Variants in USP9X observed in about 807,000 individuals in gnomAD.
USP9X encodes ubiquitin carboxyl-terminal hydrolase 9X.
USP9X carries 7 observed loss-of-function variants against 190.3 expected under a neutral mutation model. That is an observed-to-expected ratio of 0.04 (90% CI 0.02 to 0.07). USP9X has a LOEUF of 0.07. Among genes scored for constraint, USP9X ranks in the 10% least tolerant of loss-of-function variants. USP9X has a pLI of 1.00. For missense variants in USP9X, 1,010 were observed against 1,916.9 expected, an observed-to-expected ratio of 0.53 and a Z score of 8.83; for synonymous variants, 645 against 659.5, an observed-to-expected ratio of 0.98 and a Z score of 0.34.
chrX:41,194,034 C>T (rs1481522512), intron 26 of USP9X, among the ~76,000 whole-genome samples: 2 of 111,690 alleles, frequency 1.8e-5, no homozygotes, highest in Non-Finnish European at 3.8e-5. Flanking sequence ...AATAGCATAC[C>T]TTTGAAAATC....
chrX:41,137,174 C>A, intron 6 of USP9X, 152 bp downstream of exon 6: 1 of 523,442 alleles, frequency 1.9e-6, no homozygotes, highest in Non-Finnish European at 3.0e-6. Flanking sequence ...CTTTGTCGTT[C>A]TAGTTCTTTG....
At chrX:41,216,911 C>G (rs1329799673) in intron 35 of USP9X, among the ~76,000 whole-genome samples, 1 of 109,997 alleles carries the variant, frequency 9.1e-6, no homozygotes, top group Non-Finnish European at 1.9e-5. Flanking sequence ...GGCATGGTGG[C>G]ATGCACCTGT....
intron 21 of USP9X, among the ~76,000 whole-genome samples, chrX:41,181,435 C>CT (rs200403625): frequency 0.029 from 1,103 of 38,390 alleles, 298 homozygotes; most frequent in African/African-American, 0.064. Context: ...CCACACCTGA[C>CT]TTTTTTTTTT....
intron 30 of USP9X, among the ~76,000 whole-genome samples, chrX:41,199,834 A>G (rs1383094750): frequency 8.9e-6 from 1 of 111,800 alleles, no homozygotes; most frequent in African/African-American, 3.2e-5. Context: ...GAAGATTAGA[A>G]CGTGAGAAGT....
intron 44 of USP9X, among the ~76,000 whole-genome samples, chrX:41,231,019 GA>G (rs956544771): frequency 9.0e-6 from 1 of 110,716 alleles, no homozygotes; most frequent in African/African-American, 3.3e-5. Context: ...AAAATCACTG[GA>G]AAAAAAAGGA....
chrX:41,125,702 T>TCC (rs2062239228), intron 2 of USP9X, among the ~76,000 whole-genome samples: 1 of 97,799 alleles, frequency 1.0e-5, no homozygotes, highest in South Asian at 4.7e-4. Flanking sequence ...TCTCTCTCTC[T>TCC]CTCTCTCTCT....
At chrX:41,213,157 C>T (rs2063181183) in intron 33 of USP9X, among the ~76,000 whole-genome samples, 1 of 111,156 alleles carries the variant, frequency 9.0e-6, no homozygotes, top group South Asian at 3.8e-4. Flanking sequence ...ACTAGCTGGG[C>T]ATGGGGGTGG....
At chrX:41,115,515 C>G (rs1441424087) in intron 1 of USP9X, among the ~76,000 whole-genome samples, 1 of 111,929 alleles carries the variant, frequency 8.9e-6, no homozygotes, top group African/African-American at 3.2e-5. Context: ...GATGATCTAT[C>G]AAATTGTTTT....
At position 41,216,431 on chromosome X, in the gene USP9X, G is replaced by A; in HGVS notation, c.5864G>A (p.Arg1955Gln). The change falls in exon 35 of 45, where the codon CGA becomes CAA. Residue 1955 changes from arginine to glutamine, a missense_variant. By Grantham distance (43) the Arg-to-Gln change is conservative. This residue lies in a region of USP9X where 31 missense variants were observed against 27.2 expected (regional missense o/e 1.14). Transcript: ENST00000378308. ...WWNAYILFYE[R>Q]MDTIDQDDEL... ...AATGCTTATATACTTTTTTATGAACGAATGGACACAATAGACCAAGATGAT... is the reference window on the plus strand; with the variant it reads ...AATGCTTATATACTTTTTTATGAACAAATGGACACAATAGACCAAGATGAT... 1 of 1,211,111 alleles carries A rather than the reference G, an allele frequency of 8.3e-7. No individual in the cohort carries two copies. Among genetic ancestry groups the A allele is most frequent in the Non-Finnish European group, 1.1e-6 (1 of 895,354 alleles).
At position 41,148,231 on chromosome X, in the gene USP9X, A is replaced by G. The variant is rs2147067629; in HGVS notation, c.1420-138A>G. 11 of 613,873 alleles carry G rather than the reference A, an allele frequency of 1.8e-5. No homozygotes were observed. The East Asian group carries it at 2.5e-4, about 14-fold the overall frequency. The allele number at this position is 613,873 out of a possible 1,213,427, so 50.6% of individuals were successfully genotyped here. On this transcript the variant is annotated intron_variant, in intron 11 of 44. Transcript: ENST00000378308. ...CTATAAAAAAAATACCAGGCTAACTATATTTTCAGATCTCACTTGAATCAT... is the reference window on the plus strand; with the variant it reads ...CTATAAAAAAAATACCAGGCTAACTGTATTTTCAGATCTCACTTGAATCAT...
At chrX:41,161,800 T>TCTCGAAC (rs1189515397) in intron 14 of USP9X, among the ~76,000 whole-genome samples, 12 of 105,594 alleles carry the variant, frequency 1.1e-4, no homozygotes. Context: ...CCCAGGCTGG[T>TCTCGAAC]CTCGAACTCC....
intron 38 of USP9X, among the ~76,000 whole-genome samples, chrX:41,220,608 T>A (rs1393459856): frequency 2.7e-5 from 3 of 112,489 alleles, no homozygotes; most frequent in Non-Finnish European, 5.6e-5. Flanking sequence ...TAGCCTTTAG[T>A]CAGTTTGGGC....
At chrX:41,130,144 A>C (rs1271977003) in intron 3 of USP9X, among the ~76,000 whole-genome samples, 1 of 112,066 alleles carries the variant, frequency 8.9e-6, no homozygotes, top group African/African-American at 3.2e-5. Flanking sequence ...GAGGATTCTT[A>C]CTATAATTTT....
intron 38 of USP9X, among the ~76,000 whole-genome samples, chrX:41,219,882 G>A (rs765332255): frequency 5.4e-5 from 6 of 111,388 alleles, no homozygotes; most frequent in Admixed American, 9.6e-5. Context: ...CTACTTGGGA[G>A]GCTGAGGTGG....
At chrX:41,211,066 A>T (rs2063153473) in intron 33 of USP9X, among the ~76,000 whole-genome samples, 1 of 109,982 alleles carries the variant, frequency 9.1e-6, no homozygotes, top group African/African-American at 3.3e-5. Flanking sequence ...GTCGTAACTC[A>T]TAGTAACTTT....
At position 41,205,335 on chromosome X, in the gene USP9X, A is replaced by G. The variant is rs759257005; in HGVS notation, c.4857A>G (p.Gly1619=). Residue 1619 remains glycine (G), a synonymous_variant, in exon 32 of 45, where the codon GGA becomes GGG. Coordinates refer to ENST00000378308, the MANE Select transcript of USP9X (RefSeq NM_001039591.3). ...SNVDPRDDVF[G]YPQQFEDKPA... Reference sequence around the variant, plus strand: ...TTGATCCCAGGGATGATGTATTTGGATATCCTCAACAATTTGAAGATAAAC... The same window carrying G: ...TTGATCCCAGGGATGATGTATTTGGGTATCCTCAACAATTTGAAGATAAAC... 16 of 1,200,572 alleles carry G rather than the reference A, an allele frequency of 1.3e-5. No homozygotes were observed. The highest frequency in any genetic ancestry group is 1.1e-5 in the Non-Finnish European group (10 of 891,403).
rs2063372191 is a variant in USP9X at position 41,232,723 on chromosome X, G to T, written c.*199G>T. 9.7e-6 allele frequency: 4 copies of T among 411,603 alleles called. No individual in the cohort carries two copies. The highest frequency in any genetic ancestry group is 1.2e-5 in the Non-Finnish European group (3 of 248,104). 33.9% of individuals were successfully genotyped at this position (411,603 alleles called of 1,213,427 possible). A position where few individuals can be genotyped will look rare whatever the true frequency, so the allele number is the denominator to read the frequency against. ...TGCAGTGGAAAGTGTATAGTGTTTT[G>T]TAATAAATGGCCTGATGCTAATGTG... On this transcript the variant is annotated 3_prime_UTR_variant, in exon 45 of 45. Transcript: ENST00000378308.
chrX:41,094,184 C>CTTTTTTT lies in USP9X; in HGVS notation c.-159+8078_-159+8084dup, dbSNP rs56901756. Among the ~76,000 whole-genome samples the CTTTTTTT allele has an allele frequency of 1.5e-3, 153 of 100,074 alleles. 1 individual carries two copies. The highest frequency in any genetic ancestry group is 3.1e-3 in the African/African-American group (83 of 27,191). 86.9% of individuals were successfully genotyped at this position (100,074 alleles called of 115,157 possible). ...GTGACTACAGGTGTATTTCTTTTTTCTTTTTTTTTGAAATGGAGTTTCACT... is the reference window on the plus strand; with the variant it reads ...GTGACTACAGGTGTATTTCTTTTTTCTTTTTTTTTTTTTTTTGAAATGGAGTTTCACT... On this transcript the variant is annotated intron_variant, in intron 1 of 44. Coordinates refer to ENST00000378308, the MANE Select transcript of USP9X (RefSeq NM_001039591.3).
intron 1 of USP9X, among the ~76,000 whole-genome samples, chrX:41,097,650 GAA>G (rs1371614527): frequency 3.6e-5 from 4 of 112,068 alleles, no homozygotes; most frequent in Admixed American, 1.9e-4. Context: ...ACAAAAATTA[GAA>G]GAGAGGCATT....
Sources: allele counts gnomAD v4.1 joint callset (sites outside exome capture counted in the v4.1 genomes callset), GRCh38; gene constraint gnomAD v4.1.1; regional missense constraint gnomAD v4.1.1; transcripts MANE v1.5; gene names NCBI Gene and HGNC (gene_info 2026-07-23, HGNC 2026-07-21).